The following GPHN variants were observed in gnomAD, a reference collection of about 807,000 sequenced individuals.
GPHN encodes gephyrin.
A neutral mutation model predicts 95.5 loss-of-function variants in GPHN; 17 were observed. The observed-to-expected ratio is 0.18, with a 90% CI of 0.12 to 0.27. The LOEUF (loss-of-function observed/expected upper bound fraction) is 0.27. Among genes scored for constraint, GPHN ranks in the 10% least tolerant of loss-of-function variants. GPHN has a pLI of 1.00. For synonymous variants in GPHN, 320 were observed against 322.5 expected, an observed-to-expected ratio of 0.99 and a Z score of 0.08; for missense variants, 660 against 978.1, an observed-to-expected ratio of 0.67 and a Z score of 4.34.
the GPHN span, among the ~76,000 whole-genome samples, chr14:67,231,157 TTAGAA>T: frequency 2.0e-5 from 3 of 152,184 alleles, no homozygotes; most frequent in Non-Finnish European, 4.4e-5. Flanking sequence ...TGGGTGAACC[TTAGAA>T]ACAGGTTGGT....
chr14:67,550,452 G>A, the GPHN span, among the ~76,000 whole-genome samples: 10,253 of 152,328 alleles, frequency 0.067, 401 homozygotes, highest in Non-Finnish European at 0.094. Context: ...GCCTCCCAAA[G>A]TGTTTGGATT....
chr14:66,983,059 C>G (rs1054069348), intron 9 of GPHN, among the ~76,000 whole-genome samples: 1 of 152,084 alleles, frequency 6.6e-6, no homozygotes, highest in African/African-American at 2.4e-5. Flanking sequence ...CAAGAGCAGC[C>G]TGGCCAACAT....
the GPHN span, among the ~76,000 whole-genome samples, chr14:67,434,871 G>C: frequency 6.6e-6 from 1 of 152,144 alleles, no homozygotes; most frequent in Non-Finnish European, 1.5e-5. Flanking sequence ...TTGCTGGTGG[G>C]AACTCTCTGC....
At chr14:66,905,630 A>G (rs1020278048) in intron 5 of GPHN, among the ~76,000 whole-genome samples, 2 of 152,106 alleles carry the variant, frequency 1.3e-5, no homozygotes, top group Admixed American at 6.6e-5. Flanking sequence ...TTACATGGGT[A>G]TATCACATAA....
intron 1 of GPHN, among the ~76,000 whole-genome samples, chr14:66,631,533 A>G (rs1043096191): frequency 6.6e-6 from 1 of 152,194 alleles, no homozygotes; most frequent in Non-Finnish European, 1.5e-5. Context: ...TCTATGTATA[A>G]TTAAAACAAG....
chr14:66,706,608 A>G (rs921302014), intron 2 of GPHN, among the ~76,000 whole-genome samples: 6 of 152,214 alleles, frequency 3.9e-5, no homozygotes, highest in Non-Finnish European at 8.8e-5. Flanking sequence ...CTGGGTAGCC[A>G]CATGCAGAAA....
At chr14:66,567,598 T>A (rs1273620906) in intron 1 of GPHN, among the ~76,000 whole-genome samples, 2 of 152,190 alleles carry the variant, frequency 1.3e-5, no homozygotes, top group African/African-American at 4.8e-5. Context: ...CCTGGTTTAT[T>A]TGTGAATTAT....
chr14:66,656,635 C>A (rs971138052), intron 1 of GPHN, among the ~76,000 whole-genome samples: 1 of 152,050 alleles, frequency 6.6e-6, no homozygotes, highest in Non-Finnish European at 1.5e-5. Flanking sequence ...GTAATTCTCA[C>A]AATATTTTAA....
chr14:66,869,926 G>C (rs375852218), intron 4 of GPHN, among the ~76,000 whole-genome samples: 2 of 152,092 alleles, frequency 1.3e-5, no homozygotes, highest in African/African-American at 4.8e-5. Context: ...ATCTAGATTG[G>C]TTTATTTATT....
chr14:67,620,986 GA>G, the GPHN span: 7 of 1,611,052 alleles, frequency 4.3e-6, no homozygotes, highest in Non-Finnish European at 5.9e-6. Flanking sequence ...TAGATTTTTA[GA>G]TATTAGTGCA....
chr14:66,694,915 T>C (rs897711758), intron 2 of GPHN, among the ~76,000 whole-genome samples: 2 of 152,212 alleles, frequency 1.3e-5, no homozygotes, highest in African/African-American at 4.8e-5. Flanking sequence ...CCCAACACTT[T>C]GGGAGGCCAA....
chr14:66,845,033 A>G (rs895955556), intron 4 of GPHN, among the ~76,000 whole-genome samples: 16 of 152,144 alleles, frequency 1.1e-4, no homozygotes, highest in African/African-American at 3.1e-4. Flanking sequence ...GGGTTCATTT[A>G]TATTATATCA....
At chr14:67,565,501 A>T in the GPHN span, among the ~76,000 whole-genome samples, 1 of 152,112 alleles carries the variant, frequency 6.6e-6, no homozygotes, top group Non-Finnish European at 1.5e-5. Flanking sequence ...TTTGTCAGCC[A>T]TAAGAGCCAC....
At chr14:67,320,441 C>G in the GPHN span, 1 of 1,522,116 alleles carries the variant, frequency 6.6e-7, no homozygotes, top group Non-Finnish European at 8.8e-7. Context: ...TTTCAATTTA[C>G]CAGCTCAGAA....
the GPHN span, among the ~76,000 whole-genome samples, chr14:67,662,866 G>T: frequency 7.1e-6 from 1 of 139,910 alleles, no homozygotes; most frequent in African/African-American, 2.7e-5. Flanking sequence ...TTGCGCCATT[G>T]CACTCCAGCC....
chr14:67,706,195 T>C, the GPHN span: 1 of 152,288 alleles, frequency 6.6e-6, no homozygotes, highest in African/African-American at 2.4e-5. Context: ...AGTCGCAAGA[T>C]AGTGCCTATG....
chr14:67,009,681 G>T (rs754034044), intron 9 of GPHN, among the ~76,000 whole-genome samples: 2 of 152,004 alleles, frequency 1.3e-5, no homozygotes, highest in African/African-American at 2.4e-5. Flanking sequence ...TAGTAAAATG[G>T]TCTGTCTATA....
chr14:67,240,279 G>C, the GPHN span, among the ~76,000 whole-genome samples: 1 of 152,184 alleles, frequency 6.6e-6, no homozygotes, highest in Non-Finnish European at 1.5e-5. Context: ...CTTAGTGAGG[G>C]ACACCACAAC....
the GPHN span, chr14:67,621,031 C>T: frequency 6.7e-7 from 1 of 1,484,080 alleles, no homozygotes; most frequent in Non-Finnish European, 9.4e-7. Flanking sequence ...AGTCTTTTCT[C>T]TGACATCCAG....
Sources: gnomAD v4.1 joint callset for allele counts (sites outside exome capture counted in the v4.1 genomes callset) on GRCh38, gnomAD v4.1.1 for gene constraint, MANE v1.5 for transcripts, NCBI Gene and HGNC (gene_info 2026-07-23, HGNC 2026-07-21) for gene names.